DMD: variants seen among roughly 807,000 people sequenced by gnomAD.
DMD encodes the protein dystrophin.
A neutral mutation model predicts 330.1 loss-of-function variants in DMD; 63 were observed. The ratio of observed to expected loss-of-function variants is 0.19; its 90% CI spans 0.16 to 0.24. The LOEUF is 0.24. Among genes scored for constraint, DMD ranks in the 10% least tolerant of loss-of-function variants. DMD has a pLI of 1.00. For synonymous variants in DMD, 1,223 were observed against 959.8 expected (o/e 1.27, Z -5.07); for missense variants, 3,344 against 2,684.1 (o/e 1.25, Z -5.43).
intron 50 of DMD, among the ~76,000 whole-genome samples, chrX:31,802,323 A>G (rs1273468035): frequency 9.0e-6 from 1 of 111,470 alleles, no homozygotes; most frequent in African/African-American, 3.3e-5. Context: ...TTTGGATGAC[A>G]GTATTATTTA....
chrX:32,835,081 G>C (rs990850424), intron 4 of DMD, among the ~76,000 whole-genome samples: 2 of 111,665 alleles, frequency 1.8e-5, no homozygotes, highest in Non-Finnish European at 3.8e-5. Context: ...ATTATTAAAA[G>C]TGCAAATATC....
At chrX:32,515,735 A>G (rs1293357671) in intron 18 of DMD, among the ~76,000 whole-genome samples, 1 of 111,653 alleles carries the variant, frequency 9.0e-6, no homozygotes, top group Non-Finnish European at 1.9e-5. Context: ...TTATGTGCAT[A>G]GGAATCACTC....
chrX:31,843,164 T>C (rs147182731), intron 48 of DMD, among the ~76,000 whole-genome samples: 7 of 112,205 alleles, frequency 6.2e-5, no homozygotes, highest in Non-Finnish European at 1.3e-4. Flanking sequence ...CTATTGTGAA[T>C]AGTGCTGCAG....
chrX:31,721,616 T>C (rs1682048130), intron 52 of DMD, among the ~76,000 whole-genome samples: 1 of 101,348 alleles, frequency 9.9e-6, no homozygotes. Context: ...TCTCTCTCTC[T>C]CTGTATGTGT....
At chrX:31,588,854 C>A (rs2076730424) in intron 55 of DMD, among the ~76,000 whole-genome samples, 1 of 102,692 alleles carries the variant, frequency 9.7e-6, no homozygotes, top group African/African-American at 3.6e-5. Context: ...TAATCCATTA[C>A]TAGATAGCAA....
At position 31,348,579 on chromosome X, in the gene DMD, G is replaced by A. The variant is rs1303381637; in HGVS notation, c.9140C>T (p.Pro3047Leu). Residue 3047 changes from proline (P) to leucine (L), a missense_variant, in exon 61 of 79, where the codon CCA (proline) becomes CTA (leucine). Pro to Leu is a moderately conservative substitution (Grantham distance 98). Coordinates refer to ENST00000357033, the MANE Select transcript of DMD (RefSeq NM_004006.3). ...ACTGGAAAGAAAGTGCTGAGATGCT[G>A]GACCAAAGTCCCTGTGGGCTTCATG... ...QLHEAHRDFG[P>L]ASQHFLSTSV... The A allele has an allele frequency of 8.3e-7, 1 of 1,209,457 alleles. No individual in the cohort carries two copies. The highest frequency in any genetic ancestry group is 1.7e-5 in the African/African-American group (1 of 57,269).
At chrX:32,580,803 C>A (rs1006808444) in intron 13 of DMD, among the ~76,000 whole-genome samples, 1 of 111,347 alleles carries the variant, frequency 9.0e-6, no homozygotes, top group African/African-American at 3.3e-5. Flanking sequence ...TTTTAAACAA[C>A]AGGGCCATAT....
chrX:32,061,429 G>A (rs781380205), intron 44 of DMD, among the ~76,000 whole-genome samples: 6 of 111,257 alleles, frequency 5.4e-5, no homozygotes, highest in South Asian at 3.8e-4. Flanking sequence ...GCCATTCATC[G>A]TTCTGAAAAC....
chrX:32,576,254 G>A (rs765904337), intron 13 of DMD, among the ~76,000 whole-genome samples: 5 of 111,062 alleles, frequency 4.5e-5, no homozygotes, highest in Admixed American at 9.6e-5. Context: ...TTCTTTCTTC[G>A]CAATTTCACG....
rs1314041056 is a variant in DMD at position 32,544,227 on chromosome X, T to C, written c.2168+932A>G. 2.7e-5 allele frequency among the ~76,000 whole-genome samples: 3 copies of C among 111,432 alleles called. No individual in the cohort carries two copies. In the East Asian group the frequency reaches 8.5e-4, roughly 31 times the overall value. On this transcript the variant is annotated intron_variant, in intron 17 of 78. Transcript: ENST00000357033. ...AAGTAGGTCATAAGTCATTAGTTAA[T>C]AGAGAAGTACTAAACATCCCAAATA...
chrX:32,375,653 G>C (rs2097899388), intron 34 of DMD, among the ~76,000 whole-genome samples: 1 of 111,436 alleles, frequency 9.0e-6, no homozygotes, highest in South Asian at 3.7e-4. Context: ...CAATTCTTTT[G>C]TCTTTCCTCA....
chrX:31,830,626 A>G (rs1365285836), intron 49 of DMD, among the ~76,000 whole-genome samples: 1 of 112,251 alleles, frequency 8.9e-6, no homozygotes, highest in Non-Finnish European at 1.9e-5. Flanking sequence ...ATCATATCTA[A>G]GAAAAATGAA....
At chrX:31,530,485 C>T (rs1473272701) in intron 55 of DMD, among the ~76,000 whole-genome samples, 1 of 110,195 alleles carries the variant, frequency 9.1e-6, no homozygotes, top group Non-Finnish European at 1.9e-5. Context: ...TATGCAACTG[C>T]TTTTGCTTTC....
chrX:32,078,846 A>G (rs944453567), intron 44 of DMD, among the ~76,000 whole-genome samples: 2 of 112,192 alleles, frequency 1.8e-5, no homozygotes, highest in East Asian at 2.8e-4. Flanking sequence ...GATAACTGCT[A>G]TAAGCCCTCT....
At chrX:33,124,476 GAAAAAAAAAAAAA>G (rs56147804) in intron 1 of DMD, among the ~76,000 whole-genome samples, 4 of 16,132 alleles carry the variant, frequency 2.5e-4, no homozygotes, top group East Asian at 2.6e-3. Flanking sequence ...GACTCTGTCT[GAAAAAAAAAAAAA>G]AAAAAAAAAA....
At chrX:32,416,017 T>C (rs1043008070) in intron 29 of DMD, among the ~76,000 whole-genome samples, 2 of 112,118 alleles carry the variant, frequency 1.8e-5, no homozygotes, top group Non-Finnish European at 3.8e-5. Context: ...TTAAAAATAA[T>C]GTACTAACCT....
chrX:32,848,285 G>A (rs2080853964), intron 3 of DMD, among the ~76,000 whole-genome samples: 1 of 111,862 alleles, frequency 8.9e-6, no homozygotes, highest in South Asian at 3.7e-4. Context: ...TCAGAATACA[G>A]GAGAAACGAG....
intron 62 of DMD, among the ~76,000 whole-genome samples, chrX:31,295,212 A>T (rs5972365): frequency 0.013 from 1,463 of 109,480 alleles, 16 homozygotes; most frequent in East Asian, 0.097. Context: ...AGCCAGGATG[A>T]TCTCGATCTC....
At chrX:32,541,700 T>A (rs2048497772) in intron 17 of DMD, among the ~76,000 whole-genome samples, 1 of 110,567 alleles carries the variant, frequency 9.0e-6, no homozygotes, top group African/African-American at 3.3e-5. Context: ...CTATCAGATA[T>A]TATGCTGATT....
Sources: allele counts gnomAD v4.1 joint callset (sites outside exome capture counted in the v4.1 genomes callset), GRCh38; gene constraint gnomAD v4.1.1; transcripts MANE v1.5; gene names NCBI Gene and HGNC (gene_info 2026-07-23, HGNC 2026-07-21).